Variants in FAH observed in about 807,000 individuals in gnomAD.
FAH encodes the protein fumarylacetoacetate hydrolase.
Under a neutral mutation model 55.8 loss-of-function variants are expected in FAH, and 47 were observed. That is an observed-to-expected ratio of 0.84 (90% CI 0.67 to 1.07). The LOEUF (loss-of-function observed/expected upper bound fraction) is 1.07, where lower values mean the gene tolerates loss of function less well. Among genes scored for constraint, FAH ranks in the 50% least tolerant of loss-of-function variants. The probability of loss-of-function intolerance (pLI) is 0.00; values close to 1 mark genes in which losing one functional copy is unlikely to be tolerated. For synonymous variants in FAH, 199 were observed against 207.7 expected (o/e 0.96, Z 0.36); for missense variants, 495 against 545.9 (o/e 0.91, Z 0.93).
At position 80,160,069 on chromosome 15, in the gene FAH, C is replaced by T. The variant is rs1025183898; in HGVS notation, c.314+192C>T. On this transcript the variant is annotated intron_variant, in intron 3 of 13. Coordinates refer to ENST00000561421, the MANE Select transcript of FAH (RefSeq NM_000137.4). ...TGGGAGGACTGGGATTGCCTTGGCG[C>T]CTGGAATGGAGCTGCCCAAGCTAGG... The T allele has an allele frequency of 1.1e-5, 9 of 813,452 alleles. No individual in the cohort carries two copies. In the Admixed American group the frequency reaches 1.9e-4, roughly 17 times the overall value. The allele number at this position is 813,452 out of a possible 1,614,324, so 50.4% of individuals were successfully genotyped here.
chr15:80,167,982 A>C (rs1433618830), intron 5 of FAH, 70 bp from the exon 6 acceptor site: 11 of 1,282,038 alleles, frequency 8.6e-6, no homozygotes, highest in East Asian at 6.9e-5. Context: ...CTAGTTTTTG[A>C]AGTTTTTAAA....
Position 80,162,262 on chromosome 15 carries a change from C to A in FAH, c.381C>A (p.Phe127Leu). The A allele has an allele frequency of 6.2e-7, 1 of 1,614,152 alleles. No individual in the cohort carries two copies. The highest frequency in any genetic ancestry group is 8.5e-7 in the Non-Finnish European group (1 of 1,179,984). The change falls in exon 5 of 14, where the codon TTC (phenylalanine) becomes TTA (leucine). Residue 127 changes from phenylalanine to leucine, a missense_variant. By Grantham distance (22) the Phe-to-Leu change is conservative. Coordinates refer to ENST00000561421, the MANE Select transcript of FAH (RefSeq NM_000137.4). The stretch of plus-strand genomic sequence containing the variant: ...CCTCTGCAGGAGACTACACAGACTT[C>A]TATTCCTCTCGGCAGCATGCTACCA... Reference protein sequence around the residue: ...LPATIGDYTDFYSSRQHATNV... With the variant: ...LPATIGDYTDLYSSRQHATNV...
In FAH at chr15:80,168,246, T is replaced by C. The variant is rs2041212100; in HGVS notation, c.554-18T>C. The C allele has an allele frequency of 6.2e-7, 1 of 1,611,180 alleles. No individual in the cohort carries two copies. The highest frequency in any genetic ancestry group is 8.5e-7 in the Non-Finnish European group (1 of 1,179,890). ...CACTCACAGCACCGTTTTTTTTTTT[T>C]TTCTGGTGTTATTCCAGCTAAGCCT... On this transcript the variant is annotated intron_variant, in intron 6 of 13. Transcript: ENST00000561421.
At chr15:80,176,020 C>T (rs2041280955) in intron 10 of FAH, among the ~76,000 whole-genome samples, 1 of 151,554 alleles carries the variant, frequency 6.6e-6, no homozygotes, top group Non-Finnish European at 1.5e-5. Context: ...TTCTTTTCTT[C>T]TTTTTTTTTC....
chr15:80,173,543 C>T, intron 9 of FAH: 1 of 355,098 alleles, frequency 2.8e-6, no homozygotes, highest in East Asian at 7.3e-5. Flanking sequence ...AGCTTGGAGC[C>T]CAGCAACAGG....
chr15:80,167,617 C>T (rs559751423), intron 5 of FAH, among the ~76,000 whole-genome samples: 26 of 151,150 alleles, frequency 1.7e-4, no homozygotes, highest in African/African-American at 5.8e-4. Flanking sequence ...CTGCAACCTC[C>T]ACCTCTCAGG....
chr15:80,164,094 C>T (rs1047644104), intron 5 of FAH, among the ~76,000 whole-genome samples: 3 of 152,160 alleles, frequency 2.0e-5, no homozygotes, highest in Non-Finnish European at 4.4e-5. Context: ...TAACAAATTA[C>T]CACAAACTTG....
At position 80,161,058 on chromosome 15, in the gene FAH, G is replaced by A. The variant is rs376751267; in HGVS notation, c.364+599G>A. Among the ~76,000 whole-genome samples, 7 of 152,196 alleles carry A rather than the reference G, an allele frequency of 4.6e-5. No individual in the cohort carries two copies. In the East Asian group the frequency reaches 5.8e-4, roughly 13 times the overall value. On this transcript the variant is annotated intron_variant, in intron 4 of 13. Coordinates refer to ENST00000561421, the MANE Select transcript of FAH (RefSeq NM_000137.4). ...CTCTCTGGAACAGCTCCTGCTGTCC[G>A]GGGAGAGTCCTTTGCTGCTGGGCTG... is the stretch of plus-strand genomic sequence containing the variant.
Position 80,153,005 on chromosome 15 carries a change from G to T in FAH, c.-50G>T, listed in dbSNP as rs371740875. On this transcript the variant is annotated 5_prime_UTR_variant, in exon 1 of 14. Coordinates refer to ENST00000561421, the MANE Select transcript of FAH (RefSeq NM_000137.4). ...GACCACAGCGGCCGAGTTCAGTCCTGCTCTCCGCACGCCACCTTAGGCCCG... is the reference window on the plus strand; with the variant it reads ...GACCACAGCGGCCGAGTTCAGTCCTTCTCTCCGCACGCCACCTTAGGCCCG... The T allele has an allele frequency of 2.2e-5, 34 of 1,547,966 alleles. No individual in the cohort carries two copies. Among genetic ancestry groups the T allele is most frequent in the South Asian group, 6.7e-5 (6 of 89,926 alleles).
At chr15:80,171,257 A>T (rs957199644) in intron 7 of FAH, among the ~76,000 whole-genome samples, 1 of 149,424 alleles carries the variant, frequency 6.7e-6, no homozygotes, top group African/African-American at 2.5e-5. Context: ...CCCCCACCCC[A>T]CAACAGACTG....
At position 80,153,014 on chromosome 15, in the gene FAH, A is replaced by C; in HGVS notation, c.-41A>C. 6.3e-7 allele frequency: 1 copy of C among 1,583,756 alleles called. No homozygotes were observed. Among genetic ancestry groups the C allele is most frequent in the Non-Finnish European group, 8.6e-7 (1 of 1,157,484 alleles). On this transcript the variant is annotated 5_prime_UTR_variant, in exon 1 of 14. Transcript: ENST00000561421. ...GGCCGAGTTCAGTCCTGCTCTCCGC[A>C]CGCCACCTTAGGCCCGCAGCCGTGC...
At chr15:80,183,960 C>T (rs908588577) in intron 13 of FAH, among the ~76,000 whole-genome samples, 5 of 152,138 alleles carry the variant, frequency 3.3e-5, no homozygotes, top group African/African-American at 4.8e-5. Flanking sequence ...CTTTAAATGG[C>T]GCGATGAAAT....
chr15:80,175,551 A>C (rs1289512940), intron 10 of FAH, among the ~76,000 whole-genome samples: 3 of 151,756 alleles, frequency 2.0e-5, no homozygotes, highest in Non-Finnish European at 4.4e-5. Flanking sequence ...CCAGATTCCC[A>C]CCATGGGCCA....
intron 13 of FAH, among the ~76,000 whole-genome samples, chr15:80,181,769 G>A (rs1001639810): frequency 7.9e-5 from 12 of 151,894 alleles, no homozygotes; most frequent in Admixed American, 3.3e-4. Context: ...TTTTTGAGTC[G>A]GAGTCTTGCT....
rs542109085 is a variant in FAH, at chr15:80,180,450, C to T, written c.1062+225C>T. ...TGAGAACGGAAGCCTGGGTCTCTGC[C>T]TCTGTAGGGGAGCAGCGCAGTGACA... On this transcript the variant is annotated intron_variant, in intron 12 of 13. Transcript: ENST00000561421. 5.3e-5 allele frequency: 30 copies of T among 561,522 alleles called. No homozygotes were observed. The African/African-American group carries it at 5.4e-4, about 10-fold the overall frequency. The allele number at this position is 561,522 out of a possible 1,614,324, so 34.8% of individuals were successfully genotyped here. A position where few individuals can be genotyped will look rare whatever the true frequency, so the allele number is the denominator to read the frequency against.
rs2142101706 is a variant in FAH at position 80,173,060 on chromosome 15, T to C, written c.753T>C (p.Leu251=). The C allele has an allele frequency of 1.4e-5, 23 of 1,614,196 alleles. No homozygotes were observed. The highest frequency in any genetic ancestry group is 1.9e-5 in the Non-Finnish European group (22 of 1,180,026). The change falls in exon 9 of 14, where the codon CTT becomes CTC. Residue 251 remains leucine, a synonymous_variant. Coordinates refer to ENST00000561421, the MANE Select transcript of FAH (RefSeq NM_000137.4). ...AGTATGTCCCTCTCGGGCCATTCCT[T>C]GGGAAGAGTTTTGGGACCACTGTCT... ...KWEYVPLGPF[L]GKSFGTTVSP...
intron 4 of FAH, 99 bp from the exon 5 acceptor site, chr15:80,162,147 A>T: frequency 1.1e-6 from 1 of 877,808 alleles, no homozygotes. Context: ...ATGTGTAAAC[A>T]GTATTGTGTG....
chr15:80,161,566 G>T (rs1393772018), intron 4 of FAH, among the ~76,000 whole-genome samples: 1 of 152,006 alleles, frequency 6.6e-6, no homozygotes, highest in Non-Finnish European at 1.5e-5. Context: ...CCTACAGCTT[G>T]CTGGCTAGCC....
chr15:80,160,501 C>T (rs757271303), intron 4 of FAH, 42 bp downstream of exon 4: 7 of 1,599,508 alleles, frequency 4.4e-6, no homozygotes, highest in Admixed American at 1.7e-5. Flanking sequence ...GGAGCAGCTT[C>T]GTGGGCCAAG....
Sources: allele counts gnomAD v4.1 joint callset (sites outside exome capture counted in the v4.1 genomes callset), GRCh38; gene constraint gnomAD v4.1.1; transcripts MANE v1.5; gene names NCBI Gene and HGNC (gene_info 2026-07-23, HGNC 2026-07-21).